Variants in CDHR1 observed in about 807,000 individuals in gnomAD.
The protein encoded by CDHR1 is cadherin related family member 1.
In CDHR1, 61 loss-of-function variants were observed where a neutral mutation model predicts 72.1. The observed-to-expected ratio is 0.85, with a 90% CI of 0.69 to 1.05. The LOEUF (loss-of-function observed/expected upper bound fraction) is 1.05. Ranked by LOEUF, CDHR1 falls within the 50% of genes least tolerant of loss-of-function variation. CDHR1 has a pLI of 0.00. For synonymous variants in CDHR1, 470 were observed against 448.1 expected (o/e 1.05, Z -0.62); for missense variants, 1,186 against 1,115.7 (o/e 1.06, Z -0.90).
chr10:84,199,769 A>G (rs1032101340), intron 5 of CDHR1, among the ~76,000 whole-genome samples: 46 of 152,340 alleles, frequency 3.0e-4, no homozygotes, highest in Admixed American at 1.7e-3. Context: ...ACATGCCCAC[A>G]GGGTGTTGCC....
chr10:84,212,715 A>G (rs1589307860), intron 15 of CDHR1, among the ~76,000 whole-genome samples: 1 of 152,184 alleles, frequency 6.6e-6, no homozygotes, highest in East Asian at 1.9e-4. Flanking sequence ...CATTTTGCCA[A>G]TGTGGCAAAA....
Position 84,214,785 on chromosome 10 carries a change from A to C in CDHR1, c.*164A>C, listed in dbSNP as rs1055883556. On this transcript the variant is annotated 3_prime_UTR_variant, in exon 17 of 17. Transcript: ENST00000623527. ...CTCTACCGCCACCTTCTGGCGCAAC[A>C]AGAAGTTGCGCTCTGACAGGGCTCT... 2.0e-5 allele frequency: 31 copies of C among 1,551,192 alleles called. No individual in the cohort carries two copies. The highest frequency in any genetic ancestry group is 4.1e-4 in the Middle Eastern group (2 of 4,824).
At chr10:84,210,316 A>G (rs1842305757) in intron 12 of CDHR1, among the ~76,000 whole-genome samples, 1 of 151,862 alleles carries the variant, frequency 6.6e-6, no homozygotes, top group Non-Finnish European at 1.5e-5. Context: ...CCCAGGTTGG[A>G]GTGCAGTGGC....
intron 14 of CDHR1, 92 bp downstream of exon 14, chr10:84,211,807 T>C (rs1239374794): frequency 9.0e-7 from 1 of 1,107,208 alleles, no homozygotes; most frequent in Non-Finnish European, 1.4e-6. Flanking sequence ...AGGAGGGGCC[T>C]GGGAGGGACA....
Position 84,218,186 on chromosome 10 carries a change from G to A in CDHR1, c.*3565G>A, listed in dbSNP as rs1842456689. ...GAGGAATGAGGCAGGAGACTGGCATGTGCCACATGGAGGACCCCTTAGGAA... is the reference window on the plus strand; with the variant it reads ...GAGGAATGAGGCAGGAGACTGGCATATGCCACATGGAGGACCCCTTAGGAA... On this transcript the variant is annotated 3_prime_UTR_variant, in exon 17 of 17. Coordinates refer to ENST00000623527, the MANE Select transcript of CDHR1 (RefSeq NM_033100.4). 1.0e-6 allele frequency: 1 copy of A among 985,342 alleles called. No individual in the cohort carries two copies. The highest frequency in any genetic ancestry group is 1.7e-5 in the African/African-American group (1 of 57,238). The allele number at this position is 985,342 out of a possible 1,614,324, so 61.0% of individuals were successfully genotyped here.
intron 1 of CDHR1, among the ~76,000 whole-genome samples, 192 bp downstream of exon 1, chr10:84,195,007 G>A (rs1005894672): frequency 1.3e-5 from 2 of 152,192 alleles, no homozygotes; most frequent in Non-Finnish European, 2.9e-5. Flanking sequence ...GGAGTAGTGG[G>A]GAGCTCCGGG....
chr10:84,214,218 G>T lies in CDHR1; in HGVS notation c.2177G>T (p.Arg726Leu). 1.2e-6 allele frequency: 2 copies of T among 1,614,080 alleles called. No homozygotes were observed. The highest frequency in any genetic ancestry group is 1.7e-6 in the Non-Finnish European group (2 of 1,180,026). Residue 726 changes from arginine to leucine, a missense_variant, in exon 17 of 17, where the codon CGC (arginine) becomes CTC (leucine). Coordinates refer to ENST00000623527, the MANE Select transcript of CDHR1 (RefSeq NM_033100.4). ...CTCATCTCCACCGCCACCTTCTGGC[G>T]CAACAAGAAGTCTAACAAGGTCCTG... Reference protein sequence around the residue: ...TVLISTATFWRNKKSNKVLPM... With the variant: ...TVLISTATFWLNKKSNKVLPM...
chr10:84,198,717 G>T (rs1019050796), intron 4 of CDHR1, among the ~76,000 whole-genome samples: 7 of 152,208 alleles, frequency 4.6e-5, no homozygotes, highest in African/African-American at 1.7e-4. Flanking sequence ...CTGGCATACT[G>T]CTGCTATCAC....
chr10:84,204,672 C>T, intron 9 of CDHR1, 67 bp downstream of exon 9: 2 of 1,065,760 alleles, frequency 1.9e-6, no homozygotes, highest in Non-Finnish European at 2.9e-6. Flanking sequence ...GGTTCCTCAA[C>T]CTCTCTAGAT....
chr10:84,197,395 C>T (rs1465229828), intron 3 of CDHR1, among the ~76,000 whole-genome samples: 8 of 151,998 alleles, frequency 5.3e-5, no homozygotes, highest in Admixed American at 4.6e-4. Flanking sequence ...CTGCAGAGCC[C>T]TGGAATGTGG....
In CDHR1 at chr10:84,196,660, G is replaced by C; in HGVS notation, c.297+10G>C. 1 of 1,614,194 alleles carries C rather than the reference G, an allele frequency of 6.2e-7. No homozygotes were observed. Among genetic ancestry groups the C allele is most frequent in the Non-Finnish European group, 8.5e-7 (1 of 1,180,030 alleles). On this transcript the variant is annotated intron_variant, in intron 3 of 16. Coordinates refer to ENST00000623527, the MANE Select transcript of CDHR1 (RefSeq NM_033100.4). ...AGAGCTGGACAGAGAGGTATGGGGA[G>C]GTGTGGGGAGTGCTGCGGGGCCACT... is the stretch of plus-strand genomic sequence containing the variant.
At position 84,199,246 on chromosome 10, in the gene CDHR1, C is replaced by T. The variant is rs1842081522; in HGVS notation, c.438+125C>T. 1.5e-5 allele frequency: 11 copies of T among 752,338 alleles called. No individual in the cohort carries two copies. The South Asian group carries it at 1.5e-4, about 10-fold the overall frequency. The allele number at this position is 752,338 out of a possible 1,614,324, so 46.6% of individuals were successfully genotyped here. On this transcript the variant is annotated intron_variant, in intron 5 of 16. Coordinates refer to ENST00000623527, the MANE Select transcript of CDHR1 (RefSeq NM_033100.4). ...AGAACCTCTCTGTCACCACCTGCTC[C>T]CTCCAACATTCGCTTTTATTCCAAA...
rs1842385187 is a variant in CDHR1 at position 84,214,123 on chromosome 10, C to T, written c.2082C>T (p.Thr694=). The change falls in exon 17 of 17, where the codon ACC becomes ACT. Residue 694 remains threonine (T), a synonymous_variant. Transcript: ENST00000623527. The stretch of plus-strand genomic sequence containing the variant: ...CCATGGCTGCCTTCCTGATACAGAC[C>T]AAGGACAACCCCATGAAGGCCGTGG... ...RSPMAAFLIQ[T]KDNPMKAVGV... 2 of 1,614,200 alleles carry T rather than the reference C, an allele frequency of 1.2e-6. No homozygotes were observed. The highest frequency in any genetic ancestry group is 4.5e-5 in the East Asian group (2 of 44,872).
chr10:84,196,513 G>A lies in CDHR1; in HGVS notation c.160G>A (p.Val54Ile), dbSNP rs138967568. ...LPEDTPVGSH[V>I]YTLNGTDPEG... ...ACTGTGTTTCCTTCCAGGCTCTCAC[G>A]TATACACCCTGAATGGGACAGACCC... is the stretch of plus-strand genomic sequence containing the variant. The change falls in exon 3 of 17, where the codon GTA (valine) becomes ATA (isoleucine). Residue 54 changes from valine (V) to isoleucine (I), a missense_variant. Coordinates refer to ENST00000623527, the MANE Select transcript of CDHR1 (RefSeq NM_033100.4). 3.6e-5 allele frequency: 58 copies of A among 1,614,046 alleles called. No homozygotes were observed. The highest frequency in any genetic ancestry group is 1.2e-4 in the Admixed American group (7 of 60,008).
Position 84,211,017 on chromosome 10 carries a change from T to G in CDHR1, c.1337T>G (p.Val446Gly). Residue 446 changes from valine (V) to glycine (G), a missense_variant, in exon 13 of 17, where the codon GTG (valine) becomes GGG (glycine). Val to Gly is a moderately radical substitution (Grantham distance 109, BLOSUM62 -3). Coordinates refer to ENST00000623527, the MANE Select transcript of CDHR1 (RefSeq NM_033100.4). ...VLTFKLLAVEVNTPEKFSSTA... is the reference protein window; with the variant it reads ...VLTFKLLAVEGNTPEKFSSTA... ...CCTTCCCAGCTCCTGGCTGTTGAAG[T>G]GAACACCCCAGAGAAGTTCAGTTCC... 3 of 1,614,184 alleles carry G rather than the reference T, an allele frequency of 1.9e-6. No individual in the cohort carries two copies. The highest frequency in any genetic ancestry group is 2.5e-6 in the Non-Finnish European group (3 of 1,180,034).
Position 84,213,248 on chromosome 10 carries a change from G to A in CDHR1, c.1940G>A (p.Gly647Glu). 1 of 1,614,226 alleles carries A rather than the reference G, an allele frequency of 6.2e-7. No homozygotes were observed. Among genetic ancestry groups the A allele is most frequent in the Non-Finnish European group, 8.5e-7 (1 of 1,180,038 alleles). Reference protein sequence around the residue: ...SLDALHNITPGRDCLWSLEVQ... With the variant: ...SLDALHNITPERDCLWSLEVQ... Reference sequence around the variant, plus strand: ...GATGCCCTGCACAACATCACACCTGGAAGGGACTGCCTATGGTCCCTAGAG... The same window carrying A: ...GATGCCCTGCACAACATCACACCTGAAAGGGACTGCCTATGGTCCCTAGAG... The change falls in exon 16 of 17, where the codon GGA (glycine) becomes GAA (glutamate). Residue 647 changes from glycine to glutamate, a missense_variant. Physicochemically the swap from Gly to Glu is moderately conservative, Grantham distance 98 (BLOSUM62 -2). Coordinates refer to ENST00000623527, the MANE Select transcript of CDHR1 (RefSeq NM_033100.4).
At position 84,199,135 on chromosome 10, in the gene CDHR1, T is replaced by C. The variant is rs2132795273; in HGVS notation, c.438+14T>C. On this transcript the variant is annotated intron_variant, in intron 5 of 16. Transcript: ENST00000623527. Reference sequence around the variant, plus strand: ...CTGGTTCCCGAGGTAAGTGAGGAGCTGCTAGAGGGGCTGATTTTCCCACCC... The same window carrying C: ...CTGGTTCCCGAGGTAAGTGAGGAGCCGCTAGAGGGGCTGATTTTCCCACCC... 1.3e-6 allele frequency: 2 copies of C among 1,548,784 alleles called. No homozygotes were observed. Among genetic ancestry groups the C allele is most frequent in the Non-Finnish European group, 1.7e-6 (2 of 1,145,360 alleles).
chr10:84,209,084 C>A (rs1490263076), intron 12 of CDHR1, among the ~76,000 whole-genome samples: 1 of 152,182 alleles, frequency 6.6e-6, no homozygotes, highest in Non-Finnish European at 1.5e-5. Context: ...CACAACCAGC[C>A]CCAGGAATGC....
In CDHR1 at chr10:84,215,243, A is replaced by T; in HGVS notation, c.*622A>T. 1.0e-6 allele frequency: 1 copy of T among 991,906 alleles called. No homozygotes were observed. Among genetic ancestry groups the T allele is most frequent in the Non-Finnish European group, 1.2e-6 (1 of 833,806 alleles). 61.4% of individuals were successfully genotyped at this position (991,906 alleles called of 1,614,324 possible). A position where few individuals can be genotyped will look rare whatever the true frequency, so the allele number is the denominator to read the frequency against. ...GATAGAGCATTCTGTCTGGGCAGAGACTGTGGACCCTGGTATGCCCACGTG... is the reference window on the plus strand; with the variant it reads ...GATAGAGCATTCTGTCTGGGCAGAGTCTGTGGACCCTGGTATGCCCACGTG... On this transcript the variant is annotated 3_prime_UTR_variant, in exon 17 of 17. Coordinates refer to ENST00000623527, the MANE Select transcript of CDHR1 (RefSeq NM_033100.4).
Sources: gnomAD v4.1 joint callset for allele counts (sites outside exome capture counted in the v4.1 genomes callset) on GRCh38, gnomAD v4.1.1 for gene constraint, MANE v1.5 for transcripts, NCBI Gene and HGNC (gene_info 2026-07-23, HGNC 2026-07-21) for gene names.